The following GRIN2A variants were observed in gnomAD, a reference collection of about 807,000 sequenced individuals.
GRIN2A encodes glutamate ionotropic receptor NMDA type subunit 2A.
In GRIN2A, 22 loss-of-function variants were observed where a neutral mutation model predicts 113.4. That is an observed-to-expected ratio of 0.19 (90% CI 0.14 to 0.28). GRIN2A has a LOEUF of 0.28. Among genes scored for constraint, GRIN2A ranks in the 10% least tolerant of loss-of-function variants. The pLI is 1.00. For missense variants in GRIN2A, 1,502 were observed against 1,887.0 expected (o/e 0.80, Z 3.78); for synonymous variants, 827 against 738.4 (o/e 1.12, Z -1.94).
intron 12 of GRIN2A, among the ~76,000 whole-genome samples, chr16:9,767,773 G>T (rs1249681685): frequency 6.6e-6 from 1 of 152,188 alleles, no homozygotes; most frequent in Non-Finnish European, 1.5e-5. Flanking sequence ...TTTGTTTTCT[G>T]CTTGATACGT....
intron 2 of GRIN2A, among the ~76,000 whole-genome samples, chr16:10,031,101 T>G (rs17670923): frequency 1.6e-3 from 238 of 152,314 alleles, no homozygotes; most frequent in South Asian, 6.0e-3. Flanking sequence ...GAATCGCACT[T>G]AGTTCACGTC....
intron 2 of GRIN2A, among the ~76,000 whole-genome samples, chr16:10,052,619 C>A (rs1043510143): frequency 4.6e-5 from 7 of 152,104 alleles, no homozygotes; most frequent in African/African-American, 7.2e-5. Context: ...GCGGTAAAGA[C>A]CTCCCGGAAA....
rs113563106 is a variant in GRIN2A, at chr16:9,963,209, T to A, written c.415-24658A>T. Reference sequence around the variant, plus strand: ...GGGTGCAGCACACCAACATGGCACATGTATACATATGTAACAAACCTGCAC... The same window carrying A: ...GGGTGCAGCACACCAACATGGCACAAGTATACATATGTAACAAACCTGCAC... On this transcript the variant is annotated intron_variant, in intron 2 of 12. Coordinates refer to ENST00000330684, the MANE Select transcript of GRIN2A (RefSeq NM_001134407.3). Among the ~76,000 whole-genome samples, 1,216 of 150,928 alleles carry A rather than the reference T, an allele frequency of 8.1e-3. 8 individuals carry two copies. Among genetic ancestry groups the A allele is most frequent in the African/African-American group, 0.029 (1,177 of 41,276 alleles).
intron 11 of GRIN2A, among the ~76,000 whole-genome samples, chr16:9,785,905 C>T (rs1350997066): frequency 4.6e-5 from 7 of 152,106 alleles, no homozygotes. Flanking sequence ...TATATCCCAC[C>T]ACCTGGAGTT....
At chr16:9,945,585 G>C (rs1302924858) in intron 2 of GRIN2A, among the ~76,000 whole-genome samples, 1 of 152,170 alleles carries the variant, frequency 6.6e-6, no homozygotes, top group African/African-American at 2.4e-5. Context: ...TGTGCCACCA[G>C]TGTCTCCCAA....
At chr16:10,023,580 T>C (rs946078206) in intron 2 of GRIN2A, among the ~76,000 whole-genome samples, 1 of 152,162 alleles carries the variant, frequency 6.6e-6, no homozygotes, top group African/African-American at 2.4e-5. Context: ...CATTAACTGG[T>C]GATGAAAGAA....
chr16:9,759,787 C>T lies in GRIN2A; in HGVS notation c.*3362G>A, dbSNP rs925970523. 1 of 228,452 alleles carries T rather than the reference C, an allele frequency of 4.4e-6. No homozygotes were observed. 14.2% of individuals were successfully genotyped at this position (228,452 alleles called of 1,614,324 possible). On this transcript the variant is annotated 3_prime_UTR_variant, in exon 13 of 13. Transcript: ENST00000330684. ...CAAGTCTCTCTGGCAGAAAGATAGA[C>T]CTATAGGGACTTGCCAGCTCAGAGC... is the stretch of plus-strand genomic sequence containing the variant.
At chr16:9,890,271 C>T (rs972763220) in intron 4 of GRIN2A, among the ~76,000 whole-genome samples, 6 of 152,156 alleles carry the variant, frequency 3.9e-5, no homozygotes, top group East Asian at 3.9e-4. Flanking sequence ...GAAATTGTAG[C>T]GACTAACTTA....
intron 3 of GRIN2A, among the ~76,000 whole-genome samples, chr16:9,922,324 A>G (rs1291494037): frequency 1.3e-5 from 2 of 152,014 alleles, no homozygotes; most frequent in African/African-American, 4.8e-5. Flanking sequence ...AAAAAAAAAA[A>G]GGAGAATCAG....
At chr16:10,161,842 A>G (rs146944161) in intron 2 of GRIN2A, among the ~76,000 whole-genome samples, 390 of 152,228 alleles carry the variant, frequency 2.6e-3, no homozygotes, top group Middle Eastern at 0.01. Context: ...TTCAAAGTGC[A>G]TCACTCCAAT....
chr16:9,930,295 A>G (rs188054596), intron 3 of GRIN2A, among the ~76,000 whole-genome samples: 1 of 152,292 alleles, frequency 6.6e-6, no homozygotes, highest in Admixed American at 6.5e-5. Flanking sequence ...CATCCTCCCT[A>G]TTCTTGGAAT....
Position 9,761,512 on chromosome 16 carries a change from C to T in GRIN2A, c.*1637G>A, listed in dbSNP as rs1207264474. ...CAAAAATATTCATGTACATGAAATACACTAATTAACAGAGTAGAACTATAT... is the reference window on the plus strand; with the variant it reads ...CAAAAATATTCATGTACATGAAATATACTAATTAACAGAGTAGAACTATAT... On this transcript the variant is annotated 3_prime_UTR_variant, in exon 13 of 13. Coordinates refer to ENST00000330684, the MANE Select transcript of GRIN2A (RefSeq NM_001134407.3). 1 of 229,352 alleles carries T rather than the reference C, an allele frequency of 4.4e-6. No homozygotes were observed. Among genetic ancestry groups the T allele is most frequent in the African/African-American group, 2.2e-5 (1 of 45,128 alleles). The allele number at this position is 229,352 out of a possible 1,614,324, so 14.2% of individuals were successfully genotyped here. A position where few individuals can be genotyped will look rare whatever the true frequency, so the allele number is the denominator to read the frequency against.
At chr16:10,010,030 C>T (rs1402344665) in intron 2 of GRIN2A, among the ~76,000 whole-genome samples, 1 of 152,208 alleles carries the variant, frequency 6.6e-6, no homozygotes, top group African/African-American at 2.4e-5. Flanking sequence ...CTCTACTCTA[C>T]GAGTGAGGAG....
chr16:9,898,054 CTTTTT>C (rs71402414), intron 3 of GRIN2A, among the ~76,000 whole-genome samples: 16 of 109,708 alleles, frequency 1.5e-4, no homozygotes, highest in Admixed American at 5.6e-4. Flanking sequence ...CCTCCATTTC[CTTTTT>C]TTTTTTTTTT....
At chr16:9,997,667 C>T (rs1567225258) in intron 2 of GRIN2A, among the ~76,000 whole-genome samples, 1 of 152,138 alleles carries the variant, frequency 6.6e-6, no homozygotes, top group East Asian at 1.9e-4. Context: ...GTGTCCCCAC[C>T]CAAATTTCAT....
chr16:10,156,740 A>G (rs1410648632), intron 2 of GRIN2A, among the ~76,000 whole-genome samples: 1 of 152,232 alleles, frequency 6.6e-6, no homozygotes, highest in Non-Finnish European at 1.5e-5. Flanking sequence ...AAGCGGGACT[A>G]ACAATGACAT....
chr16:10,131,880 G>T (rs962343815), intron 2 of GRIN2A, among the ~76,000 whole-genome samples: 1 of 152,036 alleles, frequency 6.6e-6, no homozygotes, highest in Non-Finnish European at 1.5e-5. Flanking sequence ...TGTTATTATT[G>T]TTATTATTAC....
chr16:9,808,043 T>TTA (rs1220238749), intron 10 of GRIN2A, among the ~76,000 whole-genome samples: 1 of 152,182 alleles, frequency 6.6e-6, no homozygotes, highest in Non-Finnish European at 1.5e-5. Context: ...ATAGAGCTTC[T>TTA]TAGATTGTAC....
chr16:9,931,941 T>C (rs941285350), intron 3 of GRIN2A, among the ~76,000 whole-genome samples: 2 of 152,258 alleles, frequency 1.3e-5, no homozygotes, highest in Admixed American at 6.5e-5. Context: ...TGGGTCTATA[T>C]GCTTGAACCA....
Sources: allele counts gnomAD v4.1 joint callset (sites outside exome capture counted in the v4.1 genomes callset), GRCh38; gene constraint gnomAD v4.1.1; transcripts MANE v1.5; gene names NCBI Gene and HGNC (gene_info 2026-07-23, HGNC 2026-07-21).